ZNF385D: variants seen among roughly 807,000 people sequenced by gnomAD.
ZNF385D encodes the protein zinc finger protein 659.
A neutral mutation model predicts 35.8 loss-of-function variants in ZNF385D; 15 were observed. That is an observed-to-expected ratio of 0.42 (90% CI 0.28 to 0.64). The LOEUF (loss-of-function observed/expected upper bound fraction) is 0.64, where lower values mean the gene tolerates loss of function less well. ZNF385D is among the 30% of genes least tolerant of loss of function. The pLI is 0.23. For missense variants in ZNF385D, 474 were observed against 494.6 expected, an observed-to-expected ratio of 0.96 and a Z score of 0.39; for synonymous variants, 212 against 186.8, an observed-to-expected ratio of 1.13 and a Z score of -1.10.
At position 21,607,613 on chromosome 3, in the gene ZNF385D, C is replaced by T. The variant is rs373396287; in HGVS notation, c.166-42929G>A. Reference sequence around the variant, plus strand: ...CCCCATCCTTTGGTTCTTGAAGAGACCTCACCAGTGTCTCTCCTGGAAATG... The same window carrying T: ...CCCCATCCTTTGGTTCTTGAAGAGATCTCACCAGTGTCTCTCCTGGAAATG... On this transcript the variant is annotated intron_variant, in intron 2 of 7. Coordinates refer to ENST00000281523, the MANE Select transcript of ZNF385D (RefSeq NM_024697.3). 2.0e-5 allele frequency among the ~76,000 whole-genome samples: 3 copies of T among 152,204 alleles called. No individual in the cohort carries two copies. In the East Asian group the frequency reaches 5.8e-4, roughly 29 times the overall value.
intron 3 of ZNF385D, among the ~76,000 whole-genome samples, chr3:21,853,057 ATTTC>A (rs1696486758): frequency 3.7e-4 from 1 of 2,694 alleles, no homozygotes. Context: ...TTCTCCATAC[ATTTC>A]CATTTCAAAA....
intron 2 of ZNF385D, among the ~76,000 whole-genome samples, chr3:22,176,879 G>A (rs565313421): frequency 4.0e-4 from 61 of 152,226 alleles, no homozygotes; most frequent in African/African-American, 1.1e-3. Context: ...AATCATTCAA[G>A]TAGAATCTAC....
At chr3:22,023,040 G>A (rs1288553276) in intron 3 of ZNF385D, among the ~76,000 whole-genome samples, 2 of 152,154 alleles carry the variant, frequency 1.3e-5, no homozygotes, top group African/African-American at 4.8e-5. Context: ...TAAAAATAAT[G>A]TGTATTCCAG....
intron 2 of ZNF385D, among the ~76,000 whole-genome samples, chr3:21,650,052 A>G (rs1455297761): frequency 6.6e-6 from 1 of 152,188 alleles, no homozygotes; most frequent in East Asian, 1.9e-4. Context: ...ATATAGAAAA[A>G]AAAAATTACA....
At chr3:22,139,712 A>G (rs1488894457) in intron 3 of ZNF385D, among the ~76,000 whole-genome samples, 1 of 152,126 alleles carries the variant, frequency 6.6e-6, no homozygotes, top group East Asian at 1.9e-4. Context: ...ACATGTATAC[A>G]TATGTAACAA....
At chr3:21,988,628 C>T (rs1416212809) in intron 3 of ZNF385D, among the ~76,000 whole-genome samples, 6 of 151,130 alleles carry the variant, frequency 4.0e-5, no homozygotes, top group African/African-American at 1.4e-4. Flanking sequence ...TTTTGTTTGT[C>T]TGTGCCCTGC....
chr3:21,512,916 C>T (rs1707315360), intron 3 of ZNF385D, among the ~76,000 whole-genome samples: 3 of 152,096 alleles, frequency 2.0e-5, no homozygotes, highest in Non-Finnish European at 2.9e-5. Context: ...ATATCATTTC[C>T]CTTAAAGCAG....
chr3:22,307,497 G>A (rs1026599765), intron 2 of ZNF385D, among the ~76,000 whole-genome samples: 5 of 152,038 alleles, frequency 3.3e-5, no homozygotes, highest in African/African-American at 1.2e-4. Flanking sequence ...ATGGTTATTT[G>A]GAGAATAAAT....
intron 2 of ZNF385D, among the ~76,000 whole-genome samples, chr3:22,348,594 G>A (rs943204835): frequency 6.6e-6 from 1 of 151,692 alleles, no homozygotes; most frequent in Non-Finnish European, 1.5e-5. Context: ...AACCCCGGGA[G>A]GTGGAAGTTG....
chr3:22,217,968 G>A (rs1314820635), intron 2 of ZNF385D, among the ~76,000 whole-genome samples: 1 of 152,096 alleles, frequency 6.6e-6, no homozygotes, highest in Non-Finnish European at 1.5e-5. Flanking sequence ...GTCCTTTTAT[G>A]GTTCTCTTTT....
At chr3:21,868,040 A>G (rs967333333) in intron 3 of ZNF385D, among the ~76,000 whole-genome samples, 1 of 152,164 alleles carries the variant, frequency 6.6e-6, no homozygotes, top group East Asian at 1.9e-4. Context: ...ACTAAAATAT[A>G]TGCATATATG....
In ZNF385D at chr3:21,787,860, T is replaced by C. The variant is rs1236140307; in HGVS notation, c.326-122832A>G. Among the ~76,000 whole-genome samples the C allele has an allele frequency of 4.1e-5, 6 of 146,900 alleles. No individual in the cohort carries two copies. The Admixed American group carries it at 4.2e-4, about 10-fold the overall frequency. On this transcript the variant is annotated intron_variant, in intron 3 of 5. Transcript: ENST00000494108. ...GGGAGGCTGAGGCAGGAGAATGGCG[T>C]GAACCCGGGAGGCGGAGCTTGCAGA...
At chr3:21,728,129 C>T (rs955833495) in intron 1 of ZNF385D, among the ~76,000 whole-genome samples, 8 of 152,014 alleles carry the variant, frequency 5.3e-5, no homozygotes, top group African/African-American at 1.9e-4. Context: ...ACATCGCGGC[C>T]TGTCGGGTGG....
Position 21,600,073 on chromosome 3 carries a change from T to C in ZNF385D, c.166-35389A>G, listed in dbSNP as rs539789123. On this transcript the variant is annotated intron_variant, in intron 2 of 7. Coordinates refer to ENST00000281523, the MANE Select transcript of ZNF385D (RefSeq NM_024697.3). ...CACTGCTACACTCCCACCAGTGCCA[T>C]AACGGTTTACAAATGCCATGACAAT... Among the ~76,000 whole-genome samples, 8 of 152,288 alleles carry C rather than the reference T, an allele frequency of 5.3e-5. 1 individual carries two copies. In the South Asian group the frequency reaches 1.7e-3, roughly 32 times the overall value.
In ZNF385D at chr3:21,415,096, C is replaced by A. The variant is rs962282432; in HGVS notation, c.*6118G>T. ...CAAAATTTAACACACTTCACTATAG[C>A]TTTAAAACTCTCTGACATCATTGTT... On this transcript the variant is annotated 3_prime_UTR_variant, in exon 8 of 8. Transcript: ENST00000281523. 6.6e-6 allele frequency: 1 copy of A among 152,126 alleles called. No homozygotes were observed. Among genetic ancestry groups the A allele is most frequent in the Admixed American group, 6.6e-5 (1 of 15,258 alleles). The allele number at this position is 152,126 out of a possible 1,614,324, so 9.4% of individuals were successfully genotyped here.
chr3:22,345,472 T>G (rs939400162), intron 2 of ZNF385D, among the ~76,000 whole-genome samples: 2 of 152,232 alleles, frequency 1.3e-5, no homozygotes, highest in Non-Finnish European at 2.9e-5. Flanking sequence ...GATTATTTCT[T>G]TTGACAGTAA....
intron 3 of ZNF385D, among the ~76,000 whole-genome samples, chr3:21,997,103 G>A (rs1022434202): frequency 6.6e-6 from 1 of 151,848 alleles, no homozygotes; most frequent in African/African-American, 2.4e-5. Context: ...CAACCCAAAT[G>A]TCCATCAATG....
intron 4 of ZNF385D, among the ~76,000 whole-genome samples, chr3:21,477,202 G>A (rs1372505418): frequency 3.9e-5 from 6 of 151,986 alleles, no homozygotes; most frequent in Non-Finnish European, 8.8e-5. Context: ...TGAGAGCCTG[G>A]TTGAGGTTTC....
At chr3:22,191,489 GAAA>G (rs200074769) in intron 2 of ZNF385D, among the ~76,000 whole-genome samples, 8 of 107,356 alleles carry the variant, frequency 7.5e-5, no homozygotes, top group Non-Finnish European at 1.4e-4. Context: ...CTCCATCTAA[GAAA>G]AAAAAAAAAA....
Sources: allele counts gnomAD v4.1 joint callset (sites outside exome capture counted in the v4.1 genomes callset), GRCh38; gene constraint gnomAD v4.1.1; transcripts MANE v1.5; gene names NCBI Gene and HGNC (gene_info 2026-07-23, HGNC 2026-07-21).